The following ANO6 variants were observed in gnomAD, a reference collection of about 807,000 sequenced individuals.
ANO6 encodes anoctamin 6.
A neutral mutation model predicts 117.5 loss-of-function variants in ANO6; 106 were observed. The observed-to-expected ratio is 0.90, with a 90% CI of 0.77 to 1.06. The LOEUF (loss-of-function observed/expected upper bound fraction) is 1.06. Ranked by LOEUF, ANO6 falls within the 50% of genes least tolerant of loss-of-function variation. ANO6 has a pLI of 0.00. For missense variants in ANO6, 955 were observed against 1,121.1 expected (o/e 0.85, Z 2.12); for synonymous variants, 367 against 385.1 (o/e 0.95, Z 0.55).
At chr12:45,375,026 GTA>G (rs1941964261) in intron 9 of ANO6, among the ~76,000 whole-genome samples, 1 of 151,560 alleles carries the variant, frequency 6.6e-6, no homozygotes. Context: ...CAAAATCAAT[GTA>G]CAAAAATCAC....
At chr12:45,237,636 A>G (rs905838496) in intron 1 of ANO6, among the ~76,000 whole-genome samples, 2 of 152,156 alleles carry the variant, frequency 1.3e-5, no homozygotes, top group East Asian at 1.9e-4. Context: ...GGCTTGTAGT[A>G]TAGTTTGAAG....
intron 8 of ANO6, among the ~76,000 whole-genome samples, chr12:45,357,655 A>G (rs1399420954): frequency 6.6e-6 from 1 of 152,164 alleles, no homozygotes; most frequent in Non-Finnish European, 1.5e-5. Context: ...AAACACTCCA[A>G]TATTTTAAGA....
intron 2 of ANO6, among the ~76,000 whole-genome samples, chr12:45,313,673 G>A (rs1283263183): frequency 6.6e-6 from 1 of 151,996 alleles, no homozygotes; most frequent in Non-Finnish European, 1.5e-5. Context: ...TTGTGTGCCT[G>A]AGAAAGTACA....
At chr12:45,350,272 C>T (rs3847983) in intron 6 of ANO6, among the ~76,000 whole-genome samples, 4,925 of 152,250 alleles carry the variant, frequency 0.032, 235 homozygotes, top group African/African-American at 0.11. Flanking sequence ...GCCTTGGTTT[C>T]CCCATTGTCC....
At chr12:45,270,343 C>A in intron 1 of ANO6, 1 of 1,294,774 alleles carries the variant, frequency 7.7e-7, no homozygotes, top group Non-Finnish European at 9.8e-7. Flanking sequence ...ATGGCTTGTA[C>A]GAGGTCAGGT....
chr12:45,435,488 C>T (rs923779963), downstream of ANO6, among the ~76,000 whole-genome samples: 1 of 152,196 alleles, frequency 6.6e-6, no homozygotes, highest in Admixed American at 6.5e-5. Context: ...AACTAAGCCA[C>T]ATCTTTGTCA....
intron 4 of ANO6, among the ~76,000 whole-genome samples, 184 bp from the exon 5 acceptor site, chr12:45,347,844 G>A (rs1423511618): frequency 6.6e-6 from 1 of 152,074 alleles, no homozygotes; most frequent in Non-Finnish European, 1.5e-5. Flanking sequence ...TTCAAACCAA[G>A]AAATCGTCTT....
At chr12:45,257,984 C>T (rs115917603) in intron 1 of ANO6, among the ~76,000 whole-genome samples, 8,815 of 151,868 alleles carry the variant, frequency 0.058, 277 homozygotes, top group Middle Eastern at 0.099. Context: ...ATTCCCAAAG[C>T]GATTTTTCTG....
chr12:45,417,267 T>G (rs1170842923), intron 17 of ANO6, among the ~76,000 whole-genome samples: 3 of 152,126 alleles, frequency 2.0e-5, no homozygotes, highest in Non-Finnish European at 4.4e-5. Flanking sequence ...TCATTTAGAG[T>G]TTGAGGGCCC....
At chr12:45,270,971 C>T (rs891078405) in intron 1 of ANO6, among the ~76,000 whole-genome samples, 4 of 152,130 alleles carry the variant, frequency 2.6e-5, no homozygotes, top group East Asian at 1.9e-4. Context: ...CCACCCACCT[C>T]GGCCTCCCAA....
chr12:45,228,607 T>C (rs1016880816), intron 1 of ANO6, among the ~76,000 whole-genome samples: 1 of 152,138 alleles, frequency 6.6e-6, no homozygotes, highest in Non-Finnish European at 1.5e-5. Flanking sequence ...ATCTCGTGGT[T>C]AGAGTTCTAC....
At chr12:45,383,630 C>A (rs1166844758) in intron 10 of ANO6, among the ~76,000 whole-genome samples, 3 of 152,210 alleles carry the variant, frequency 2.0e-5, no homozygotes, top group African/African-American at 7.2e-5. Flanking sequence ...AATCTCTGTA[C>A]ATCTCCATCA....
intron 9 of ANO6, among the ~76,000 whole-genome samples, chr12:45,373,128 A>G (rs1037041226): frequency 3.0e-4 from 46 of 152,258 alleles, no homozygotes; most frequent in African/African-American, 1.1e-3. Context: ...CCATTACATA[A>G]TGGTAAAGGG....
intron 1 of ANO6, among the ~76,000 whole-genome samples, chr12:45,254,498 G>A (rs1937741101): frequency 6.6e-6 from 1 of 152,166 alleles, no homozygotes; most frequent in Admixed American, 6.5e-5. Context: ...GCAGAGCACT[G>A]GATGGTTTGT....
In ANO6 at chr12:45,303,776, C is replaced by T. The variant is rs111967330; in HGVS notation, c.150+1683C>T. Among the ~76,000 whole-genome samples, 652 of 152,322 alleles carry T rather than the reference C, an allele frequency of 4.3e-3. 2 individuals carry two copies. The highest frequency in any genetic ancestry group is 0.015 in the African/African-American group (617 of 41,574). On this transcript the variant is annotated intron_variant, in intron 2 of 19. Transcript: ENST00000320560. The stretch of plus-strand genomic sequence containing the variant: ...GGTGGAACTCCGGGCTCACAGAATA[C>T]ATTTACCTTATTGAAAGACTTGTTT...
chr12:45,382,285 A>G (rs924628879), intron 10 of ANO6, among the ~76,000 whole-genome samples: 2 of 152,200 alleles, frequency 1.3e-5, no homozygotes, highest in African/African-American at 4.8e-5. Flanking sequence ...CCTTCTTTCT[A>G]TCGGAAAAAT....
chr12:45,434,950 T>C (rs149176284), downstream of ANO6, among the ~76,000 whole-genome samples: 1,581 of 152,288 alleles, frequency 0.01, 22 homozygotes, highest in African/African-American at 0.035. Context: ...GTCTCCTTCA[T>C]GAGGATAAAT....
intron 12 of ANO6, among the ~76,000 whole-genome samples, chr12:45,391,339 G>C (rs1172884783): frequency 6.6e-6 from 1 of 152,114 alleles, no homozygotes; most frequent in African/African-American, 2.4e-5. Context: ...ATAATTTAGT[G>C]TGAGTTTTAA....
intron 2 of ANO6, among the ~76,000 whole-genome samples, chr12:45,318,348 C>A (rs1350281652): frequency 2.0e-5 from 3 of 152,184 alleles, no homozygotes; most frequent in Non-Finnish European, 4.4e-5. Flanking sequence ...ATATGGCTAG[C>A]CAATTTTCCC....
Sources: gnomAD v4.1 joint callset for allele counts (sites outside exome capture counted in the v4.1 genomes callset) on GRCh38, gnomAD v4.1.1 for gene constraint, MANE v1.5 for transcripts, NCBI Gene and HGNC (gene_info 2026-07-23, HGNC 2026-07-21) for gene names.